The following SUGT1 variants were observed in gnomAD, a reference collection of about 807,000 sequenced individuals.
SUGT1 encodes the protein protein SGT1 homolog.
A neutral mutation model predicts 56.1 loss-of-function variants in SUGT1; 15 were observed. The ratio of observed to expected loss-of-function variants is 0.27; its 90% CI spans 0.18 to 0.41. The LOEUF is 0.41. SUGT1 is among the 10% of genes least tolerant of loss of function. The probability of loss-of-function intolerance (pLI) is 1.00; values close to 1 mark genes in which losing one functional copy is unlikely to be tolerated. For synonymous variants in SUGT1, 123 were observed against 128.6 expected, an observed-to-expected ratio of 0.96 and a Z score of 0.30; for missense variants, 347 against 382.2, an observed-to-expected ratio of 0.91 and a Z score of 0.77.
At chr13:52,667,824 G>A (rs1962777415) in intron 10 of SUGT1, among the ~76,000 whole-genome samples, 1 of 152,128 alleles carries the variant, frequency 6.6e-6, no homozygotes, top group Non-Finnish European at 1.5e-5. Context: ...GGCACAAAAT[G>A]ACTATAAGAC....
intron 10 of SUGT1, among the ~76,000 whole-genome samples, chr13:52,674,112 T>C (rs1177860944): frequency 3.6e-5 from 5 of 139,832 alleles, no homozygotes; most frequent in Non-Finnish European, 7.5e-5. Context: ...TGAAGTGCAG[T>C]GGCACGATCT....
intron 10 of SUGT1, among the ~76,000 whole-genome samples, chr13:52,668,725 A>G (rs1405133332): frequency 6.6e-6 from 1 of 151,966 alleles, no homozygotes; most frequent in Non-Finnish European, 1.5e-5. Flanking sequence ...TCATAAAATA[A>G]TGAATTTGAC....
chr13:52,677,326 C>G (rs2138156491), intron 11 of SUGT1, among the ~76,000 whole-genome samples: 1 of 152,286 alleles, frequency 6.6e-6, no homozygotes, highest in African/African-American at 2.4e-5. Context: ...ATGATTACCT[C>G]TTAAGTAGTC....
Position 52,666,862 on chromosome 13 carries a change from G to A in SUGT1, c.570G>A (p.Leu190=). The change falls in exon 10 of 13, where the codon CTG becomes CTA. Residue 190 remains leucine (L), a synonymous_variant. Coordinates refer to ENST00000310528, the MANE Select transcript of SUGT1 (RefSeq NM_006704.5). Reference sequence around the variant, plus strand: ...CTGGAGAGGATTACAATTTGAAACTGGAACTTCTTCATCCTATAATACCAG... The same window carrying A: ...CTGGAGAGGATTACAATTTGAAACTAGAACTTCTTCATCCTATAATACCAG... ...LPSGEDYNLK[L]ELLHPIIPEQ... 6.2e-7 allele frequency: 1 copy of A among 1,613,290 alleles called. No homozygotes were observed. Among genetic ancestry groups the A allele is most frequent in the Non-Finnish European group, 8.5e-7 (1 of 1,179,626 alleles).
At chr13:52,676,704 G>A (rs973198) in intron 11 of SUGT1, among the ~76,000 whole-genome samples, 145,659 of 152,246 alleles carry the variant, frequency 0.96, 69,696 homozygotes, top group East Asian at 0.99. Context: ...ATTCCTTTCT[G>A]TTCCTTCTAC....
intron 5 of SUGT1, among the ~76,000 whole-genome samples, chr13:52,659,814 A>ATATTTT (rs1555271105): frequency 2.4e-4 from 14 of 58,730 alleles, no homozygotes; most frequent in African/African-American, 1.0e-3. Flanking sequence ...ATATATATAT[A>ATATTTT]TTTTTTTTTT....
intron 10 of SUGT1, among the ~76,000 whole-genome samples, chr13:52,673,255 TG>T (rs138045596): frequency 0.95 from 139,618 of 147,678 alleles, 65,981 homozygotes; most frequent in East Asian, 0.99. Flanking sequence ...TTTTTTTTTT[TG>T]TGTGGGGGTA....
intron 2 of SUGT1, among the ~76,000 whole-genome samples, chr13:52,653,595 A>G (rs149855425): frequency 1.3e-5 from 2 of 152,164 alleles, no homozygotes; most frequent in Non-Finnish European, 2.9e-5. Context: ...ATATTCATCA[A>G]AATTTTTTTT....
intron 4 of SUGT1, among the ~76,000 whole-genome samples, chr13:52,658,893 A>G (rs1962292222): frequency 6.6e-6 from 1 of 152,074 alleles, no homozygotes; most frequent in African/African-American, 2.4e-5. Flanking sequence ...GATAAGTATA[A>G]CTATTCTTTA....
At chr13:52,659,814 ATTTTTTTTTTTTTT>A (rs71088033) in intron 5 of SUGT1, among the ~76,000 whole-genome samples, 207 of 58,698 alleles carry the variant, frequency 3.5e-3, no homozygotes, top group African/African-American at 0.012. Flanking sequence ...ATATATATAT[ATTTTTTTTTTTTTT>A]TTTTTTTTTT....
At chr13:52,666,085 CTT>C (rs1291565169) in intron 9 of SUGT1, among the ~76,000 whole-genome samples, 3 of 152,088 alleles carry the variant, frequency 2.0e-5, no homozygotes, top group African/African-American at 7.2e-5. Context: ...ATGAGTATGA[CTT>C]TTTTTGTTGT....
rs1174320700 is a variant in SUGT1 at position 52,694,193 on chromosome 13, A to G, written c.*6358A>G. ...CTGAGGGTTTTGGAATTGTGTATCT[A>G]TGTGTGTGAAGTGCAAAGAGCAGTG... On this transcript the variant is annotated 3_prime_UTR_variant, in exon 13 of 13. Transcript: ENST00000310528. 4 of 152,294 alleles carry G rather than the reference A, an allele frequency of 2.6e-5. No homozygotes were observed. Among genetic ancestry groups the G allele is most frequent in the South Asian group, 2.1e-4 (1 of 4,826 alleles). The allele number at this position is 152,294 out of a possible 1,614,324, so 9.4% of individuals were successfully genotyped here. A position where few individuals can be genotyped will look rare whatever the true frequency, so the allele number is the denominator to read the frequency against.
rs1963867683 is a variant in SUGT1, at chr13:52,694,517, G to C, written c.*6682G>C. The C allele has an allele frequency of 6.6e-6, 1 of 152,216 alleles. No individual in the cohort carries two copies. The highest frequency in any genetic ancestry group is 1.5e-5 in the Non-Finnish European group (1 of 68,026). 9.4% of individuals were successfully genotyped at this position (152,216 alleles called of 1,614,324 possible). A position where few individuals can be genotyped will look rare whatever the true frequency, so the allele number is the denominator to read the frequency against. On this transcript the variant is annotated 3_prime_UTR_variant, in exon 13 of 13. Coordinates refer to ENST00000310528, the MANE Select transcript of SUGT1 (RefSeq NM_006704.5). ...AGAAAATATAAACTAGATGTAGAAT[G>C]TTAAGGAACTTTCGGAAGTTCTCTG...
At chr13:52,676,954 A>G (rs993623573) in intron 11 of SUGT1, among the ~76,000 whole-genome samples, 3 of 152,202 alleles carry the variant, frequency 2.0e-5, no homozygotes, top group African/African-American at 7.2e-5. Flanking sequence ...TAGTGGACAA[A>G]TTCACAGCAC....
chr13:52,657,128 T>C (rs978085113), intron 2 of SUGT1, among the ~76,000 whole-genome samples: 4 of 152,242 alleles, frequency 2.6e-5, no homozygotes, highest in Admixed American at 6.5e-5. Context: ...TGGTCTTTTT[T>C]TATTGCACAG....
At chr13:52,666,226 C>T (rs892896923) in intron 9 of SUGT1, among the ~76,000 whole-genome samples, 1 of 149,412 alleles carries the variant, frequency 6.7e-6, no homozygotes, top group Non-Finnish European at 1.5e-5. Context: ...GTTGGGACTA[C>T]AGGCACATGC....
chr13:52,684,268 G>A (rs1352440394), intron 12 of SUGT1, among the ~76,000 whole-genome samples: 1 of 151,956 alleles, frequency 6.6e-6, no homozygotes, highest in Non-Finnish European at 1.5e-5. Flanking sequence ...ATAGTAATTT[G>A]TGTCTTTTCT....
rs1364512050 is a variant in SUGT1, at chr13:52,695,960, C to T, written c.*8125C>T. On this transcript the variant is annotated 3_prime_UTR_variant, in exon 13 of 13. Transcript: ENST00000310528. ...GCAACTCTGTTACTGACTTTTGTGGCATTGGATTGGGTTATTTGCTTATGG... is the reference window on the plus strand; with the variant it reads ...GCAACTCTGTTACTGACTTTTGTGGTATTGGATTGGGTTATTTGCTTATGG... 1 of 152,166 alleles carries T rather than the reference C, an allele frequency of 6.6e-6. No homozygotes were observed. Among genetic ancestry groups the T allele is most frequent in the African/African-American group, 2.4e-5 (1 of 41,426 alleles). The allele number at this position is 152,166 out of a possible 1,614,324, so 9.4% of individuals were successfully genotyped here.
chr13:52,660,499 T>G (rs1962391592), intron 5 of SUGT1, among the ~76,000 whole-genome samples: 1 of 152,230 alleles, frequency 6.6e-6, no homozygotes. Flanking sequence ...CTTAGTATTT[T>G]ATGTTACATT....
Sources: allele counts gnomAD v4.1 joint callset (sites outside exome capture counted in the v4.1 genomes callset), GRCh38; gene constraint gnomAD v4.1.1; transcripts MANE v1.5; gene names NCBI Gene and HGNC (gene_info 2026-07-23, HGNC 2026-07-21).